PPARGC1A: variants seen among roughly 807,000 people sequenced by gnomAD.
PPARGC1A encodes peroxisome proliferator-activated receptor gamma coactivator 1-alpha.
Under a neutral mutation model 88.7 loss-of-function variants are expected in PPARGC1A, and 25 were observed. The observed-to-expected ratio is 0.28, with a 90% CI of 0.21 to 0.39. The LOEUF (loss-of-function observed/expected upper bound fraction) is 0.39. Ranked by LOEUF, PPARGC1A falls within the 10% of genes least tolerant of loss-of-function variation. The pLI, the probability that PPARGC1A is intolerant of heterozygous loss-of-function variation, is 1.00. For missense variants in PPARGC1A, 880 were observed against 968.7 expected, an observed-to-expected ratio of 0.91 and a Z score of 1.22; for synonymous variants, 363 against 355.6, an observed-to-expected ratio of 1.02 and a Z score of -0.24.
chr4:24,432,667 C>T, the PPARGC1A span, among the ~76,000 whole-genome samples: 1 of 152,184 alleles, frequency 6.6e-6, no homozygotes, highest in Non-Finnish European at 1.5e-5. Flanking sequence ...CAGTCTTAGC[C>T]CCACTGGATG....
the PPARGC1A span, among the ~76,000 whole-genome samples, chr4:24,177,426 C>A: frequency 1.4e-5 from 2 of 142,712 alleles, no homozygotes; most frequent in African/African-American, 2.6e-5. Context: ...TGAGAACACA[C>A]GGACACAGGA....
the PPARGC1A span, among the ~76,000 whole-genome samples, chr4:24,022,819 T>A: frequency 6.6e-6 from 1 of 152,184 alleles, no homozygotes; most frequent in African/African-American, 2.4e-5. Context: ...AAGCAAGAAA[T>A]AAACCTTTCC....
At chr4:24,252,039 C>T in the PPARGC1A span, among the ~76,000 whole-genome samples, 1 of 151,956 alleles carries the variant, frequency 6.6e-6, no homozygotes, top group Non-Finnish European at 1.5e-5. Flanking sequence ...GTCTTTTCCC[C>T]CTGTTATTCG....
the PPARGC1A span, among the ~76,000 whole-genome samples, chr4:23,931,520 G>A: frequency 1.3e-5 from 2 of 151,920 alleles, no homozygotes; most frequent in African/African-American, 2.4e-5. Flanking sequence ...AGAAAGAATA[G>A]TGAAAAAGAG....
chr4:24,269,324 T>C, the PPARGC1A span, among the ~76,000 whole-genome samples: 1 of 151,938 alleles, frequency 6.6e-6, no homozygotes, highest in African/African-American at 2.4e-5. Flanking sequence ...GAAAAATGGG[T>C]CTTCTTGGGG....
the PPARGC1A span, among the ~76,000 whole-genome samples, chr4:24,458,696 T>C: frequency 6.6e-6 from 1 of 152,174 alleles, no homozygotes. Context: ...CATAGATATG[T>C]ACGTGATTTA....
chr4:23,999,577 G>A, the PPARGC1A span, among the ~76,000 whole-genome samples: 3 of 152,176 alleles, frequency 2.0e-5, no homozygotes, highest in South Asian at 6.2e-4. Flanking sequence ...GAGAAGCGAA[G>A]CCAAAAGAAG....
the PPARGC1A span, among the ~76,000 whole-genome samples, chr4:24,470,861 C>T: frequency 6.6e-6 from 1 of 151,832 alleles, no homozygotes; most frequent in Admixed American, 6.6e-5. The surrounding 1 kb of genome is among the most constrained non-coding windows in gnomAD (Gnocchi z 5.8). Context: ...GGAGAGCCCA[C>T]GCCGGAGAGG....
intron 12 of PPARGC1A, among the ~76,000 whole-genome samples, chr4:23,798,531 C>G (rs1286669484): frequency 6.6e-6 from 1 of 152,068 alleles, no homozygotes; most frequent in East Asian, 1.9e-4. Flanking sequence ...ATCAAGAATA[C>G]TGATAATACA....
chr4:23,978,280 C>T, the PPARGC1A span, among the ~76,000 whole-genome samples: 8 of 152,120 alleles, frequency 5.3e-5, no homozygotes, highest in Non-Finnish European at 1.0e-4. Context: ...TATTTTAATT[C>T]GTTTTATAGC....
intron 2 of PPARGC1A, among the ~76,000 whole-genome samples, chr4:23,859,336 C>G (rs998747639): frequency 3.9e-5 from 6 of 152,052 alleles, no homozygotes; most frequent in African/African-American, 1.4e-4. Flanking sequence ...TTTGGCTTGT[C>G]CAATTATCTC....
the PPARGC1A span, among the ~76,000 whole-genome samples, chr4:24,069,922 G>A: frequency 6.6e-6 from 1 of 152,174 alleles, no homozygotes; most frequent in African/African-American, 2.4e-5. Flanking sequence ...CTAGAGACAG[G>A]ATGCCTGGCT....
the PPARGC1A span, among the ~76,000 whole-genome samples, chr4:23,990,504 C>T: frequency 6.6e-6 from 1 of 151,956 alleles, no homozygotes; most frequent in Non-Finnish European, 1.5e-5. Flanking sequence ...AAGAAAATTG[C>T]CACATGCTTC....
At chr4:23,952,041 G>T in the PPARGC1A span, among the ~76,000 whole-genome samples, 1 of 152,036 alleles carries the variant, frequency 6.6e-6, no homozygotes, top group East Asian at 1.9e-4. Context: ...CACTCTGTGT[G>T]TTCTCTTCCT....
At chr4:24,335,663 G>A in the PPARGC1A span, among the ~76,000 whole-genome samples, 1 of 152,088 alleles carries the variant, frequency 6.6e-6, no homozygotes, top group Non-Finnish European at 1.5e-5. Context: ...TAAGCGCGAG[G>A]GTACGTTACA....
chr4:23,917,449 G>A, the PPARGC1A span, among the ~76,000 whole-genome samples: 1 of 147,622 alleles, frequency 6.8e-6, no homozygotes, highest in Non-Finnish European at 1.5e-5. Context: ...TCAGCTTCCC[G>A]AGTAGCTGGG....
chr4:24,195,335 G>C, the PPARGC1A span, among the ~76,000 whole-genome samples: 2 of 152,164 alleles, frequency 1.3e-5, no homozygotes, highest in Non-Finnish European at 2.9e-5. Context: ...GTGGCAAAAA[G>C]TAACCCTCAA....
At chr4:24,211,183 A>C in the PPARGC1A span, among the ~76,000 whole-genome samples, 1 of 152,066 alleles carries the variant, frequency 6.6e-6, no homozygotes, top group Admixed American at 6.6e-5. Context: ...TTCATTCCTT[A>C]AACTCGTGAC....
At chr4:24,351,203 C>T in the PPARGC1A span, among the ~76,000 whole-genome samples, 2 of 148,340 alleles carry the variant, frequency 1.3e-5, no homozygotes, top group African/African-American at 5.0e-5. Context: ...TGCACTCCAG[C>T]CTGAGTGACA....
Sources: gnomAD v4.1 joint callset for allele counts (sites outside exome capture counted in the v4.1 genomes callset) on GRCh38, gnomAD v4.1.1 for gene constraint, Gnocchi (gnomAD v3.1) non-coding constraint, MANE v1.5 for transcripts, NCBI Gene and HGNC (gene_info 2026-07-23, HGNC 2026-07-21) for gene names.